The following SEC63 variants were observed in gnomAD, a reference collection of about 807,000 sequenced individuals.
SEC63 encodes SEC63 protein translocation regulator, also known as translocation protein SEC63 homolog.
SEC63 carries 56 observed loss-of-function variants against 116.2 expected under a neutral mutation model. The ratio of observed to expected loss-of-function variants is 0.48; its 90% CI spans 0.39 to 0.60. The LOEUF (loss-of-function observed/expected upper bound fraction) is 0.60, where lower values mean the gene tolerates loss of function less well. Among genes scored for constraint, SEC63 ranks in the 20% least tolerant of loss-of-function variants. SEC63 has a pLI of 0.00. For missense variants in SEC63, 668 were observed against 900.0 expected, an observed-to-expected ratio of 0.74 and a Z score of 3.30; for synonymous variants, 273 against 294.6, an observed-to-expected ratio of 0.93 and a Z score of 0.75.
chr6:107,911,272 A>G (rs964594596), intron 7 of SEC63, 74 bp downstream of exon 7: 1 of 984,040 alleles, frequency 1.0e-6, no homozygotes, highest in Non-Finnish European at 1.6e-6. Flanking sequence ...TACATTTAAA[A>G]TGTTATAGGG....
At chr6:107,914,215 C>A (rs1787348970) in intron 4 of SEC63, among the ~76,000 whole-genome samples, 1 of 152,046 alleles carries the variant, frequency 6.6e-6, no homozygotes, top group African/African-American at 2.4e-5. Flanking sequence ...CAAAAATATA[C>A]AATGTAGTTA....
chr6:107,871,836 A>T lies in SEC63; in HGVS notation c.2151T>A (p.His717Gln). The change falls in exon 21 of 21, where the codon CAT becomes CAA. Residue 717 changes from histidine (H) to glutamine (Q), a missense_variant. Coordinates refer to ENST00000369002, the MANE Select transcript of SEC63 (RefSeq NM_007214.5). ...GATTTTCTGGCACAGGCTTAGCCTC[A>T]TGAACTTCCAACTAGAAAGAAGAAT... ...DQIKPLKLEVHEAKPVPENHP... is the reference protein window; with the variant it reads ...DQIKPLKLEVQEAKPVPENHP... The T allele has an allele frequency of 1.9e-6, 3 of 1,613,676 alleles. No individual in the cohort carries two copies. The East Asian group carries it at 6.7e-5, about 36-fold the overall frequency.
intron 11 of SEC63, among the ~76,000 whole-genome samples, chr6:107,903,330 T>A (rs1042827114): frequency 2.0e-5 from 3 of 151,748 alleles, no homozygotes; most frequent in Non-Finnish European, 4.4e-5. Flanking sequence ...ATAACCACTA[T>A]CCTTTTTTAA....
chr6:107,938,240 TG>T (rs1298886048), intron 1 of SEC63, among the ~76,000 whole-genome samples: 1 of 126,050 alleles, frequency 7.9e-6, no homozygotes, highest in East Asian at 2.4e-4. Flanking sequence ...TTCATCCTGG[TG>T]AGTTAATTTT....
intron 1 of SEC63, among the ~76,000 whole-genome samples, chr6:107,940,202 A>G (rs1770346255): frequency 6.6e-6 from 1 of 152,118 alleles, no homozygotes. Flanking sequence ...CAAACACTGG[A>G]TCACAGCAGA....
In SEC63 at chr6:107,902,995, C is replaced by T; in HGVS notation, c.1058G>A (p.Arg353Lys). 1 of 1,613,976 alleles carries T rather than the reference C, an allele frequency of 6.2e-7. No homozygotes were observed. Among genetic ancestry groups the T allele is most frequent in the African/African-American group, 1.3e-5 (1 of 75,004 alleles). Residue 353 changes from arginine (R) to lysine (K), a missense_variant, in exon 12 of 21, where the codon AGG (arginine) becomes AAG (lysine). By Grantham distance (26) the Arg-to-Lys change is conservative (BLOSUM62 2). This residue lies in a region of SEC63 where 430 missense variants were observed against 557.5 expected (regional missense o/e 0.77). Coordinates refer to ENST00000369002, the MANE Select transcript of SEC63 (RefSeq NM_007214.5). ...TGCCAAAGTTGGAGCACGAAACTCC[C>T]TTTCTTAGAAAGAACAGGAAAAAAA... Reference protein sequence around the residue: ...LIVMARNREEREFRAPTLASL... With the variant: ...LIVMARNREEKEFRAPTLASL...
At chr6:107,872,962 G>T in intron 19 of SEC63, 50 bp from the exon 20 acceptor site, 1 of 1,177,122 alleles carries the variant, frequency 8.5e-7, no homozygotes, top group Non-Finnish European at 1.2e-6. Flanking sequence ...GGAGGAAACA[G>T]CTCACTCCCT....
rs142432396 is a variant in SEC63 at position 107,905,334 on chromosome 6, T to C, written c.962-613A>G. ...AACTCCAATGATATTGCCTAAATAG[T>C]GCTCCTTCATTCCACCATAAGCATC... On this transcript the variant is annotated intron_variant, in intron 10 of 20. Transcript: ENST00000369002. Among the ~76,000 whole-genome samples the C allele has an allele frequency of 2.2e-3, 338 of 152,336 alleles. 2 individuals carry two copies. The highest frequency in any genetic ancestry group is 7.9e-3 in the African/African-American group (327 of 41,588).
At chr6:107,894,588 G>C (rs770773775) in intron 14 of SEC63, among the ~76,000 whole-genome samples, 7 of 152,062 alleles carry the variant, frequency 4.6e-5, no homozygotes, top group Non-Finnish European at 7.4e-5. Flanking sequence ...AATCAGTACA[G>C]AACCAGTAAA....
chr6:107,893,809 A>T (rs1412459808), intron 15 of SEC63, 29 bp downstream of exon 15: 18 of 1,613,122 alleles, frequency 1.1e-5, no homozygotes, highest in Non-Finnish European at 1.5e-5. Context: ...TTCACTAGGA[A>T]AAATAGGTTC....
At chr6:107,876,160 C>A (rs143774340) in intron 19 of SEC63, among the ~76,000 whole-genome samples, 50 of 152,196 alleles carry the variant, frequency 3.3e-4, no homozygotes, top group African/African-American at 1.1e-3. Context: ...CAGTGAATAC[C>A]ACGTAATCAA....
At chr6:107,930,086 G>A (rs1436896236) in intron 1 of SEC63, 3 of 153,578 alleles carry the variant, frequency 2.0e-5, no homozygotes, top group Non-Finnish European at 2.9e-5. Context: ...ACTAAAACCG[G>A]AGCAGGACAT....
At position 107,921,934 on chromosome 6, in the gene SEC63, C is replaced by T. The variant is rs1339035403; in HGVS notation, c.340-25G>A. On this transcript the variant is annotated intron_variant, in intron 3 of 20. Coordinates refer to ENST00000369002, the MANE Select transcript of SEC63 (RefSeq NM_007214.5). Reference sequence around the variant, plus strand: ...CCTGGGGAAAAACAAAAAAAAAAAACAAGCTTTCTGTTAGCAAAAATAAGC... The same window carrying T: ...CCTGGGGAAAAACAAAAAAAAAAAATAAGCTTTCTGTTAGCAAAAATAAGC... The T allele has an allele frequency of 1.4e-5, 17 of 1,219,918 alleles. 1 individual carries two copies. Among genetic ancestry groups the T allele is most frequent in the Non-Finnish European group, 1.7e-5 (14 of 844,296 alleles). The allele number at this position is 1,219,918 out of a possible 1,614,324, so 75.6% of individuals were successfully genotyped here.
intron 2 of SEC63, among the ~76,000 whole-genome samples, chr6:107,926,944 T>C (rs1187922472): frequency 6.6e-6 from 1 of 152,182 alleles, no homozygotes; most frequent in East Asian, 1.9e-4. Flanking sequence ...AAAGCAAAGA[T>C]AGAAACATAA....
At chr6:107,951,683 T>A (rs1770581973) in intron 1 of SEC63, among the ~76,000 whole-genome samples, 1 of 152,102 alleles carries the variant, frequency 6.6e-6, no homozygotes, top group Non-Finnish European at 1.5e-5. Flanking sequence ...TACAAGTGTT[T>A]TAAAAAGTTC....
In SEC63 at chr6:107,893,473, T is replaced by C; in HGVS notation, c.1674+9A>G. On this transcript the variant is annotated intron_variant, in intron 16 of 20. Transcript: ENST00000369002. The stretch of plus-strand genomic sequence containing the variant: ...TTAATAATGATAATAACGATAATAA[T>C]AAACTTACATTCCCAACGACTCCAT... The C allele has an allele frequency of 6.2e-7, 1 of 1,610,248 alleles. No individual in the cohort carries two copies. The highest frequency in any genetic ancestry group is 8.5e-7 in the Non-Finnish European group (1 of 1,177,864).
intron 10 of SEC63, 136 bp from the exon 11 acceptor site, chr6:107,904,857 GGA>G: frequency 1.3e-6 from 1 of 747,104 alleles, no homozygotes; most frequent in Non-Finnish European, 2.3e-6. Context: ...CAGATTGAAT[GGA>G]AGAGTTTCTC....
At chr6:107,905,945 C>T (rs1242413433) in intron 10 of SEC63, among the ~76,000 whole-genome samples, 1 of 151,998 alleles carries the variant, frequency 6.6e-6, no homozygotes, top group Non-Finnish European at 1.5e-5. Context: ...ATTATTTGGC[C>T]AAAAAAGAAC....
At chr6:107,945,462 A>G (rs1215370498) in intron 1 of SEC63, among the ~76,000 whole-genome samples, 1 of 151,840 alleles carries the variant, frequency 6.6e-6, no homozygotes, top group Non-Finnish European at 1.5e-5. Flanking sequence ...GCACACCACT[A>G]CGCCCAGCTA....
Sources: gnomAD v4.1 joint callset for allele counts (sites outside exome capture counted in the v4.1 genomes callset) on GRCh38, gnomAD v4.1.1 for gene constraint, gnomAD v4.1.1 regional missense constraint, MANE v1.5 for transcripts, NCBI Gene and HGNC (gene_info 2026-07-23, HGNC 2026-07-21) for gene names.